The following ZNF638 variants were observed in gnomAD, a reference collection of about 807,000 sequenced individuals.
The protein encoded by ZNF638 is zinc finger protein 638.
ZNF638 carries 46 observed loss-of-function variants against 195.6 expected under a neutral mutation model. The observed-to-expected ratio is 0.24, with a 90% CI of 0.19 to 0.30. The LOEUF (loss-of-function observed/expected upper bound fraction) is 0.30, where lower values mean the gene tolerates loss of function less well. ZNF638 is among the 10% of genes least tolerant of loss of function. The pLI, the probability that ZNF638 is intolerant of heterozygous loss-of-function variation, is 1.00. For synonymous variants in ZNF638, 845 were observed against 772.0 expected (o/e 1.09, Z -1.57); for missense variants, 2,440 against 2,325.3 (o/e 1.05, Z -1.01).
At position 71,385,341 on chromosome 2, in the gene ZNF638, T is replaced by C. The variant is rs146504673; in HGVS notation, c.2377+4776T>C. ...ATACAAGGGCCTATACACGAGTATT[T>C]ATGGGTACTTTGTTTATAATTGCCC... On this transcript the variant is annotated intron_variant, in intron 10 of 27. Transcript: ENST00000264447. Among the ~76,000 whole-genome samples, 380 of 152,354 alleles carry C rather than the reference T, an allele frequency of 2.5e-3. 8 individuals are homozygous for C. The highest frequency in any genetic ancestry group is 2.1e-3 in the East Asian group (11 of 5,194).
chr2:71,432,979 C>T (rs1471554434), intron 26 of ZNF638, among the ~76,000 whole-genome samples, 186 bp from the exon 27 acceptor site: 2 of 152,178 alleles, frequency 1.3e-5, no homozygotes, highest in South Asian at 2.1e-4. Flanking sequence ...CCTAGCTATT[C>T]GGGAGCCTGA....
In ZNF638 at chr2:71,400,104, T is replaced by G; in HGVS notation, c.2588-8T>G. ...TACTAGACTATTAAAGCAGACTATT[T>G]CATGCAGAAAACTCTGAAATAAAGA... is the stretch of plus-strand genomic sequence containing the variant. On this transcript the variant is annotated splice_polypyrimidine_tract_variant and splice_region_variant and intron_variant, in intron 13 of 27. Transcript: ENST00000264447. 1 of 1,598,808 alleles carries G rather than the reference T, an allele frequency of 6.3e-7. No individual in the cohort carries two copies. Among genetic ancestry groups the G allele is most frequent in the Non-Finnish European group, 8.5e-7 (1 of 1,174,098 alleles).
intron 20 of ZNF638, chr2:71,408,669 G>C: frequency 2.6e-6 from 1 of 384,786 alleles, no homozygotes; most frequent in Non-Finnish European, 5.1e-6. Context: ...ACAGGTTCTT[G>C]GCCTACACAG....
In ZNF638 at chr2:71,428,555, C is replaced by G; in HGVS notation, c.5554C>G (p.Pro1852Ala). The change falls in exon 25 of 28, where the codon CCA (proline) becomes GCA (alanine). Residue 1852 changes from proline (P) to alanine (A), a missense_variant. Around this residue, in one of 5 missense-constraint regions of ZNF638, gnomAD observed 1,883 missense variants for 1,739.1 expected, o/e 1.08. Transcript: ENST00000264447. ...MIERHLTAKT[P>A]TKRVRIGKTL... ...GGACTTTCTTTTTAAAGCTAAAACT[C>G]CAACCAAGAGAGTTAGAATTGGGAA... 1 of 1,612,392 alleles carries G rather than the reference C, an allele frequency of 6.2e-7. No individual in the cohort carries two copies. The highest frequency in any genetic ancestry group is 8.5e-7 in the Non-Finnish European group (1 of 1,179,530).
chr2:71,378,015 T>G (rs17749748), intron 8 of ZNF638, among the ~76,000 whole-genome samples: 72,800 of 152,054 alleles, frequency 0.48, 18,925 homozygotes, highest in Admixed American at 0.61. Flanking sequence ...ATGCATGGAC[T>G]TAGAAGATAT....
In ZNF638 at chr2:71,405,640, G is replaced by A; in HGVS notation, c.2998G>A (p.Glu1000Lys). The change falls in exon 18 of 28, where the codon GAG becomes AAG. Residue 1000 changes from glutamate to lysine, a missense_variant and splice_region_variant. Coordinates refer to ENST00000264447, the MANE Select transcript of ZNF638 (RefSeq NM_014497.5). ...FITLVKENDP[E>K]ANIDTIYDRF... ...AACCTTGGTAAAAGAAAATGACCCA[G>A]AGGTAAGTTTTGCATTTAAATGCTT... 1 of 1,562,524 alleles carries A rather than the reference G, an allele frequency of 6.4e-7. No homozygotes were observed. The highest frequency in any genetic ancestry group is 8.7e-7 in the Non-Finnish European group (1 of 1,148,814).
chr2:71,368,017 T>C (rs545266103), intron 6 of ZNF638, among the ~76,000 whole-genome samples: 82 of 152,296 alleles, frequency 5.4e-4, no homozygotes, highest in Admixed American at 3.2e-3. Flanking sequence ...AATTTCAGCT[T>C]TACTTGTTGG....
chr2:71,368,631 TG>T (rs1244824023), intron 7 of ZNF638, 103 bp downstream of exon 7: 2 of 1,235,478 alleles, frequency 1.6e-6, no homozygotes, highest in Admixed American at 2.4e-5. Flanking sequence ...CATATATAAT[TG>T]TTCTTTGAGA....
intron 10 of ZNF638, chr2:71,395,764 CTG>C (rs2079880176): frequency 5.2e-6 from 2 of 386,896 alleles, no homozygotes; most frequent in Non-Finnish European, 9.6e-6. Context: ...ATACCTGTGT[CTG>C]TGTACTTTTT....
intron 10 of ZNF638, among the ~76,000 whole-genome samples, chr2:71,384,055 TCTC>T (rs1388894784): frequency 1.3e-5 from 2 of 152,208 alleles, no homozygotes; most frequent in African/African-American, 4.8e-5. Context: ...AACCCTGTCT[TCTC>T]TTTTCTTCTG....
chr2:71,355,002 T>C, intron 2 of ZNF638, among the ~76,000 whole-genome samples: 1 of 152,136 alleles, frequency 6.6e-6, no homozygotes. Flanking sequence ...AGAGTCTCGC[T>C]CTGTCGCCCA....
chr2:71,385,328 A>G (rs2079614904), intron 10 of ZNF638, among the ~76,000 whole-genome samples: 1 of 152,246 alleles, frequency 6.6e-6, no homozygotes. Flanking sequence ...ACAAGGGCCT[A>G]TACACGAGTA....
At chr2:71,409,922 T>C (rs1357968924) in intron 20 of ZNF638, among the ~76,000 whole-genome samples, 1 of 152,248 alleles carries the variant, frequency 6.6e-6, no homozygotes, top group Non-Finnish European at 1.5e-5. Flanking sequence ...TCAAGTATTT[T>C]TTTTACCCCA....
chr2:71,333,678 G>A lies in ZNF638; in HGVS notation c.-203+1803G>A, dbSNP rs116438549. On this transcript the variant is annotated intron_variant, in intron 1 of 27. Coordinates refer to ENST00000264447, the MANE Select transcript of ZNF638 (RefSeq NM_014497.5). ...TGGAAAGAGAATAGGCTTTGCAGTC[G>A]GAAGATCTGGATTCACATCTCCCTT... is the stretch of plus-strand genomic sequence containing the variant. 3.8e-3 allele frequency among the ~76,000 whole-genome samples: 573 copies of A among 152,282 alleles called. 2 individuals carry two copies. The highest frequency in any genetic ancestry group is 0.013 in the African/African-American group (542 of 41,556).
At chr2:71,382,087 T>G in intron 10 of ZNF638, among the ~76,000 whole-genome samples, 1 of 152,286 alleles carries the variant, frequency 6.6e-6, no homozygotes, top group Middle Eastern at 3.4e-3. Context: ...TAAAAAATTT[T>G]TTAAATAATT....
rs2079362719 is a variant in ZNF638, at chr2:71,373,683, G to A, written c.2265+3678G>A. On this transcript the variant is annotated intron_variant, in intron 8 of 27. Transcript: ENST00000264447. ...TCCGTCCGCCTCGGCCTCTGAAAGTGCTGGGATTACAGGCGTGAGCCACCT... is the reference window on the plus strand; with the variant it reads ...TCCGTCCGCCTCGGCCTCTGAAAGTACTGGGATTACAGGCGTGAGCCACCT... 1.3e-5 allele frequency among the ~76,000 whole-genome samples: 2 copies of A among 152,024 alleles called. 1 individual carries two copies. The highest frequency in any genetic ancestry group is 4.1e-4 in the South Asian group (2 of 4,828).
intron 10 of ZNF638, among the ~76,000 whole-genome samples, chr2:71,383,120 C>G (rs1008513884): frequency 4.6e-5 from 7 of 152,082 alleles, no homozygotes; most frequent in Admixed American, 1.3e-4. Flanking sequence ...GTCAGGAGTT[C>G]AAGACCAGCC....
At chr2:71,431,616 C>T (rs1396778728) in intron 26 of ZNF638, among the ~76,000 whole-genome samples, 188 bp downstream of exon 26, 2 of 152,108 alleles carry the variant, frequency 1.3e-5, no homozygotes, top group Admixed American at 6.5e-5. Context: ...AAAAATTAGC[C>T]GGACGTGGTG....
chr2:71,434,046 TAGTTC>T (rs2080718515), intron 27 of ZNF638, among the ~76,000 whole-genome samples: 1 of 152,200 alleles, frequency 6.6e-6, no homozygotes, highest in Non-Finnish European at 1.5e-5. Context: ...GTGCTTAACT[TAGTTC>T]ATCATGTCAC....
Sources: allele counts gnomAD v4.1 joint callset (sites outside exome capture counted in the v4.1 genomes callset), GRCh38; gene constraint gnomAD v4.1.1; regional missense constraint gnomAD v4.1.1; transcripts MANE v1.5; gene names NCBI Gene and HGNC (gene_info 2026-07-23, HGNC 2026-07-21).